TMEM177: variants seen among roughly 807,000 people sequenced by gnomAD.
The protein encoded by TMEM177 is transmembrane protein 177.
Under a neutral mutation model 14.2 loss-of-function variants are expected in TMEM177, and 4 were observed. That is an observed-to-expected ratio of 0.28 (90% CI 0.14 to 0.64). The LOEUF is 0.64. Ranked by LOEUF, TMEM177 falls within the 30% of genes least tolerant of loss-of-function variation. The probability of loss-of-function intolerance (pLI) is 0.82; values close to 1 mark genes in which losing one functional copy is unlikely to be tolerated. For synonymous variants in TMEM177, 179 were observed against 174.5 expected (o/e 1.03, Z -0.20); for missense variants, 344 against 405.2 (o/e 0.85, Z 1.30).
downstream of TMEM177, chr2:119,685,867 A>G (rs939778): frequency 0.8 from 461,389 of 579,496 alleles, 185,945 homozygotes; most frequent in South Asian, 0.83. Flanking sequence ...GTTAGAAGTA[A>G]CTTTTTCAGG....
chr2:119,717,789 G>A, the TMEM177 span, among the ~76,000 whole-genome samples: 4 of 151,764 alleles, frequency 2.6e-5, no homozygotes, highest in Non-Finnish European at 5.9e-5. Flanking sequence ...TGTTGTTGTT[G>A]TTGTATTTTT....
At chr2:119,694,348 C>CCA in the TMEM177 span, among the ~76,000 whole-genome samples, 1 of 150,992 alleles carries the variant, frequency 6.6e-6, no homozygotes, top group Non-Finnish European at 1.5e-5. Context: ...ACACACACAC[C>CCA]CACACACACA....
chr2:119,681,810 T>G lies in TMEM177; in HGVS notation c.*21T>G. On this transcript the variant is annotated 3_prime_UTR_variant, in exon 2 of 2. Transcript: ENST00000272521. ...CCTGATGGGCTCATCACAAGGACAC[T>G]TCCAGCTTGTGCAGACACCACCCTG... The G allele has an allele frequency of 1.3e-6, 2 of 1,596,932 alleles. No individual in the cohort carries two copies. Among genetic ancestry groups the G allele is most frequent in the Non-Finnish European group, 1.7e-6 (2 of 1,168,956 alleles).
chr2:119,686,980 C>G (rs1346423629), downstream of TMEM177, among the ~76,000 whole-genome samples: 1 of 152,158 alleles, frequency 6.6e-6, no homozygotes, highest in Non-Finnish European at 1.5e-5. Context: ...TAAGATGACC[C>G]TAATGATCCC....
chr2:119,706,498 C>T, the TMEM177 span, among the ~76,000 whole-genome samples: 4 of 152,154 alleles, frequency 2.6e-5, no homozygotes, highest in African/African-American at 7.2e-5. Context: ...AGCGCTGGGC[C>T]ACAGAGGTAA....
At chr2:119,690,761 G>A (rs12621825), downstream of TMEM177, among the ~76,000 whole-genome samples, 129,476 of 152,244 alleles carry the variant, frequency 0.85, 57,340 homozygotes, top group South Asian at 0.97. Flanking sequence ...AGTTAAGCGC[G>A]GACAGCTCAC....
the TMEM177 span, among the ~76,000 whole-genome samples, chr2:119,714,027 G>A: frequency 2.5e-4 from 38 of 152,232 alleles, no homozygotes; most frequent in African/African-American, 8.9e-4. Context: ...GAAGTGGCAC[G>A]AGACCAGGGA....
chr2:119,699,903 C>T, the TMEM177 span: 1 of 452,654 alleles, frequency 2.2e-6, no homozygotes. Context: ...ATGCAGAGAG[C>T]AATGCTGAAC....
chr2:119,702,874 C>T, the TMEM177 span, among the ~76,000 whole-genome samples: 1 of 152,246 alleles, frequency 6.6e-6, no homozygotes, highest in Admixed American at 6.5e-5. Flanking sequence ...GGGATGTCAT[C>T]CCTTGGATGC....
chr2:119,708,632 C>G, the TMEM177 span, among the ~76,000 whole-genome samples: 1 of 145,590 alleles, frequency 6.9e-6, no homozygotes, highest in African/African-American at 2.6e-5. Flanking sequence ...CCCCACTAGA[C>G]AATCACACGC....
chr2:119,722,382 TAA>T, the TMEM177 span, among the ~76,000 whole-genome samples: 14 of 143,546 alleles, frequency 9.8e-5, no homozygotes, highest in South Asian at 2.2e-4. Context: ...ATCCTGTTTC[TAA>T]AAAAAAAAAA....
chr2:119,720,442 T>G, the TMEM177 span, among the ~76,000 whole-genome samples: 1 of 152,132 alleles, frequency 6.6e-6, no homozygotes, highest in Admixed American at 6.5e-5. Flanking sequence ...GCCCAGCTAA[T>G]TTTGTATTTT....
At chr2:119,704,032 G>A in the TMEM177 span, among the ~76,000 whole-genome samples, 1 of 152,102 alleles carries the variant, frequency 6.6e-6, no homozygotes, top group Non-Finnish European at 1.5e-5. Flanking sequence ...GAAAAATACA[G>A]AACTTTGTAT....
At chr2:119,713,745 G>A in the TMEM177 span, among the ~76,000 whole-genome samples, 1 of 152,226 alleles carries the variant, frequency 6.6e-6, no homozygotes, top group Non-Finnish European at 1.5e-5. Flanking sequence ...GAGGTGAGAG[G>A]ATCACTTGAG....
the TMEM177 span, among the ~76,000 whole-genome samples, chr2:119,708,678 C>CACACACAT: frequency 1.6e-5 from 2 of 128,458 alleles, no homozygotes; most frequent in African/African-American, 6.3e-5. Flanking sequence ...CACACACATA[C>CACACACAT]ACACACACAC....
At chr2:119,693,520 T>C in the TMEM177 span, among the ~76,000 whole-genome samples, 2 of 152,152 alleles carry the variant, frequency 1.3e-5, no homozygotes, top group African/African-American at 4.8e-5. Flanking sequence ...CAGGCTGGCC[T>C]GGGAGCCACT....
At chr2:119,711,916 G>T in the TMEM177 span, among the ~76,000 whole-genome samples, 1 of 152,140 alleles carries the variant, frequency 6.6e-6, no homozygotes, top group Non-Finnish European at 1.5e-5. Flanking sequence ...GCACCCACTG[G>T]CAGCTGTCAC....
the TMEM177 span, among the ~76,000 whole-genome samples, chr2:119,701,484 G>A: frequency 6.6e-6 from 1 of 152,158 alleles, no homozygotes. Flanking sequence ...TTCCCTAGGG[G>A]GTCGGGGGAG....
the TMEM177 span, among the ~76,000 whole-genome samples, chr2:119,701,033 A>C: frequency 6.6e-6 from 1 of 152,216 alleles, no homozygotes; most frequent in Non-Finnish European, 1.5e-5. Flanking sequence ...AAGAGAGCCA[A>C]GGACAGAGCT....
Sources: allele counts gnomAD v4.1 joint callset (sites outside exome capture counted in the v4.1 genomes callset), GRCh38; gene constraint gnomAD v4.1.1; transcripts MANE v1.5; gene names NCBI Gene and HGNC (gene_info 2026-07-23, HGNC 2026-07-21).